Variants in RTN1 observed in about 807,000 individuals in gnomAD.
RTN1 encodes the protein reticulon-1.
Under a neutral mutation model 65.5 loss-of-function variants are expected in RTN1, and 25 were observed. The ratio of observed to expected loss-of-function variants is 0.38; its 90% CI spans 0.28 to 0.53. The LOEUF is 0.53. Ranked by LOEUF, RTN1 falls within the 20% of genes least tolerant of loss-of-function variation. The pLI is 0.79. For synonymous variants in RTN1, 471 were observed against 447.6 expected, an observed-to-expected ratio of 1.05 and a Z score of -0.66; for missense variants, 983 against 1,025.4, an observed-to-expected ratio of 0.96 and a Z score of 0.57.
At chr14:59,705,329 G>A (rs1418690521) in intron 3 of RTN1, among the ~76,000 whole-genome samples, 1 of 152,168 alleles carries the variant, frequency 6.6e-6, no homozygotes, top group African/African-American at 2.4e-5. Context: ...GAGGGCTAAT[G>A]AGTCTCTAAA....
intron 1 of RTN1, among the ~76,000 whole-genome samples, chr14:59,854,229 G>A (rs1887562060): frequency 6.6e-6 from 1 of 152,074 alleles, no homozygotes; most frequent in South Asian, 2.1e-4. Context: ...CTCAAGTTCT[G>A]TCAACTCAAG....
Position 59,666,842 on chromosome 14 carries a change from A to G in RTN1, c.1766-59350T>C, listed in dbSNP as rs543270964. Among the ~76,000 whole-genome samples the G allele has an allele frequency of 5.1e-4, 77 of 152,144 alleles. 2 individuals are homozygous for G. In the East Asian group the frequency reaches 0.015, roughly 29 times the overall value. On this transcript the variant is annotated intron_variant, in intron 3 of 8. Transcript: ENST00000267484. ...ACACAAATAAACTAGAAAATCTAGAAGAAATGGATAAATTCCTGCACACAT... is the reference window on the plus strand; with the variant it reads ...ACACAAATAAACTAGAAAATCTAGAGGAAATGGATAAATTCCTGCACACAT...
intron 1 of RTN1, among the ~76,000 whole-genome samples, chr14:59,814,775 T>A (rs1318902050): frequency 6.6e-6 from 1 of 152,190 alleles, no homozygotes. Flanking sequence ...AACAAGGAAA[T>A]GTACACAGAA....
chr14:59,598,007 T>C (rs1453382726), intron 8 of RTN1, among the ~76,000 whole-genome samples: 1 of 151,956 alleles, frequency 6.6e-6, no homozygotes, highest in African/African-American at 2.4e-5. Context: ...GGGAAACCAT[T>C]GATGAATTTA....
chr14:59,783,204 G>A (rs1438658255), intron 1 of RTN1, among the ~76,000 whole-genome samples: 4 of 152,176 alleles, frequency 2.6e-5, no homozygotes, highest in Admixed American at 6.5e-5. Flanking sequence ...ATGTATATGG[G>A]TTTTTGGTTA....
intron 1 of RTN1, among the ~76,000 whole-genome samples, chr14:59,869,262 A>G (rs1004074185): frequency 2.0e-5 from 3 of 151,924 alleles, no homozygotes; most frequent in East Asian, 1.9e-4. Context: ...TCAACCACCA[A>G]GAGCACACAC....
chr14:59,841,800 G>C (rs1333184721), intron 1 of RTN1, among the ~76,000 whole-genome samples: 2 of 151,096 alleles, frequency 1.3e-5, no homozygotes, highest in African/African-American at 4.9e-5. Context: ...GAAAGTTAAA[G>C]AGTAGACAAA....
intron 1 of RTN1, among the ~76,000 whole-genome samples, chr14:59,856,891 TCA>T (rs1887618165): frequency 6.6e-6 from 1 of 152,192 alleles, no homozygotes; most frequent in Non-Finnish European, 1.5e-5. Flanking sequence ...CATTTTATCT[TCA>T]CATAACCCTG....
At chr14:59,714,220 T>G (rs1884484407) in intron 3 of RTN1, among the ~76,000 whole-genome samples, 1 of 144,712 alleles carries the variant, frequency 6.9e-6, no homozygotes. Flanking sequence ...AGTGACAGAG[T>G]GAGACTCCGT....
intron 1 of RTN1, among the ~76,000 whole-genome samples, chr14:59,832,349 C>T (rs983278828): frequency 6.6e-6 from 1 of 151,780 alleles, no homozygotes; most frequent in Non-Finnish European, 1.5e-5. Context: ...CCTTTGCAGT[C>T]CTAGAATATG....
chr14:59,733,697 TC>T (rs1884948965), intron 2 of RTN1, among the ~76,000 whole-genome samples: 1 of 152,184 alleles, frequency 6.6e-6, no homozygotes, highest in South Asian at 2.1e-4. Context: ...AGGGGGGTCC[TC>T]CCAGCTGGGG....
chr14:59,724,531 T>A (rs924680582), intron 3 of RTN1, among the ~76,000 whole-genome samples: 2 of 152,194 alleles, frequency 1.3e-5, no homozygotes, highest in Admixed American at 1.3e-4. Flanking sequence ...GGAGTCAAGC[T>A]TGGCATGAGC....
At chr14:59,805,992 C>G (rs1228376407) in intron 1 of RTN1, among the ~76,000 whole-genome samples, 3 of 152,080 alleles carry the variant, frequency 2.0e-5, no homozygotes, top group Non-Finnish European at 4.4e-5. Context: ...AATCCCCCCA[C>G]TTTGGGAGGC....
chr14:59,798,306 A>G (rs1319648167), intron 1 of RTN1, among the ~76,000 whole-genome samples: 1 of 152,212 alleles, frequency 6.6e-6, no homozygotes, highest in Non-Finnish European at 1.5e-5. Flanking sequence ...TGGGCAAGTT[A>G]TATCAGCTTA....
intron 1 of RTN1, among the ~76,000 whole-genome samples, chr14:59,834,921 T>C (rs1387494527): frequency 6.6e-6 from 1 of 152,178 alleles, no homozygotes; most frequent in African/African-American, 2.4e-5. Context: ...AATAGTACAG[T>C]CACTTTAGAA....
At chr14:59,640,738 T>G (rs1353311491) in intron 3 of RTN1, among the ~76,000 whole-genome samples, 1 of 152,220 alleles carries the variant, frequency 6.6e-6, no homozygotes, top group Non-Finnish European at 1.5e-5. Context: ...CTGATATTGT[T>G]AAATTTTATT....
At chr14:59,832,311 CT>C (rs995791227) in intron 1 of RTN1, among the ~76,000 whole-genome samples, 29 of 149,786 alleles carry the variant, frequency 1.9e-4, no homozygotes, top group Non-Finnish European at 2.5e-4. Context: ...TTCCCTACAT[CT>C]TTTTTTTTTC....
intron 2 of RTN1, among the ~76,000 whole-genome samples, chr14:59,728,249 C>CTTTTTTTTTTTTTTTTTTTTTT (rs200434592): frequency 2.4e-5 from 3 of 124,200 alleles, no homozygotes; most frequent in African/African-American, 8.9e-5. Context: ...GAATCAGTAT[C>CTTTTTTTTTTTTTTTTTTTTTT]TTTTTTTTTT....
rs1485380197 is a variant in RTN1, at chr14:59,640,128, A to G, written c.1766-32636T>C. On this transcript the variant is annotated intron_variant, in intron 3 of 8. Transcript: ENST00000267484. Reference sequence around the variant, plus strand: ...AGTTTATGTAAGATGGTATTATTTCATATTGGAATATTTGGAAGAATTCAC... The same window carrying G: ...AGTTTATGTAAGATGGTATTATTTCGTATTGGAATATTTGGAAGAATTCAC... Among the ~76,000 whole-genome samples, 4 of 152,138 alleles carry G rather than the reference A, an allele frequency of 2.6e-5. No homozygotes were observed. The East Asian group carries it at 7.7e-4, about 29-fold the overall frequency.
Sources: gnomAD v4.1 joint callset for allele counts (sites outside exome capture counted in the v4.1 genomes callset) on GRCh38, gnomAD v4.1.1 for gene constraint, MANE v1.5 for transcripts, NCBI Gene and HGNC (gene_info 2026-07-23, HGNC 2026-07-21) for gene names.